OLFM3: variants seen among roughly 807,000 people sequenced by gnomAD.
OLFM3 encodes olfactomedin 3.
In OLFM3, 20 loss-of-function variants were observed where a neutral mutation model predicts 48.6. The ratio of observed to expected loss-of-function variants is 0.41; its 90% CI spans 0.29 to 0.60. The LOEUF (loss-of-function observed/expected upper bound fraction) is 0.60, where lower values mean the gene tolerates loss of function less well. Among genes scored for constraint, OLFM3 ranks in the 20% least tolerant of loss-of-function variants. The probability of loss-of-function intolerance (pLI) is 0.28; values close to 1 mark genes in which losing one functional copy is unlikely to be tolerated. For synonymous variants in OLFM3, 222 were observed against 198.1 expected (o/e 1.12, Z -1.01); for missense variants, 437 against 544.3 (o/e 0.80, Z 1.96).
intron 1 of OLFM3, among the ~76,000 whole-genome samples, chr1:101,851,790 T>C (rs567835880): frequency 6.6e-6 from 1 of 152,218 alleles, no homozygotes; most frequent in African/African-American, 2.4e-5. Context: ...ATGGATAAAT[T>C]GATTGTGTTC....
intron 1 of OLFM3, among the ~76,000 whole-genome samples, chr1:101,956,086 G>GTTTTTTTTTTTGTT (rs1553183029): frequency 9.5e-6 from 1 of 105,054 alleles, no homozygotes; most frequent in African/African-American, 3.9e-5. Flanking sequence ...ACAATAACAG[G>GTTTTTTTTTTTGTT]TTTTTTTTTT....
chr1:101,830,528 T>G, intron 3 of OLFM3, 144 bp downstream of exon 3: 1 of 830,190 alleles, frequency 1.2e-6, no homozygotes, highest in East Asian at 2.5e-5. Context: ...TCAGTTTCAG[T>G]GGAGAGATGA....
At chr1:101,954,007 A>G (rs1034626846) in intron 1 of OLFM3, among the ~76,000 whole-genome samples, 1 of 152,012 alleles carries the variant, frequency 6.6e-6, no homozygotes, top group Non-Finnish European at 1.5e-5. Flanking sequence ...TTTCTGATTT[A>G]TTTTCTTGAT....
At chr1:101,887,756 T>C (rs560640483) in intron 1 of OLFM3, among the ~76,000 whole-genome samples, 2 of 152,030 alleles carry the variant, frequency 1.3e-5, no homozygotes, top group Admixed American at 1.3e-4. Flanking sequence ...TCTTTGTGTA[T>C]AAGTAATATA....
At chr1:101,927,146 A>C (rs546538796) in intron 1 of OLFM3, among the ~76,000 whole-genome samples, 45 of 152,246 alleles carry the variant, frequency 3.0e-4, no homozygotes, top group African/African-American at 1.0e-3. Flanking sequence ...AATAGAAGAG[A>C]CTGAAAATGA....
intron 1 of OLFM3, among the ~76,000 whole-genome samples, chr1:101,994,736 G>A (rs1343042504): frequency 2.0e-5 from 3 of 151,760 alleles, no homozygotes; most frequent in Non-Finnish European, 4.4e-5. Flanking sequence ...TCTCTGTAAT[G>A]TCTATGATAT....
intron 1 of OLFM3, among the ~76,000 whole-genome samples, chr1:101,849,274 A>T (rs1015717079): frequency 6.6e-6 from 1 of 152,246 alleles, no homozygotes; most frequent in African/African-American, 2.4e-5. Context: ...TACTGAAGTG[A>T]TATCCATTTG....
chr1:101,846,736 A>T, intron 1 of OLFM3: 1 of 723,696 alleles, frequency 1.4e-6, no homozygotes, highest in Non-Finnish European at 2.4e-6. Context: ...ACATTTTTGA[A>T]GCTGACCTGT....
chr1:101,865,737 C>G (rs1656834955), intron 1 of OLFM3, among the ~76,000 whole-genome samples: 2 of 152,222 alleles, frequency 1.3e-5, no homozygotes, highest in Admixed American at 6.5e-5. Context: ...TGCTATCATT[C>G]AAAGTCTGGT....
At position 101,802,573 on chromosome 1, in the gene OLFM3, G is replaced by C. The variant is rs900778230; in HGVS notation, c.*1665C>G. On this transcript the variant is annotated 3_prime_UTR_variant, in exon 6 of 6. Transcript: ENST00000370103. ...AAGAAATCATTGTTAAACCTTGACA[G>C]TTTCAAGATTGGGTTATTTAATTCT... 2 of 151,642 alleles carry C rather than the reference G, an allele frequency of 1.3e-5. No homozygotes were observed. The highest frequency in any genetic ancestry group is 4.8e-5 in the African/African-American group (2 of 41,374). The allele number at this position is 151,642 out of a possible 1,614,324, so 9.4% of individuals were successfully genotyped here. A position where few individuals can be genotyped will look rare whatever the true frequency, so the allele number is the denominator to read the frequency against.
intron 1 of OLFM3, among the ~76,000 whole-genome samples, chr1:101,980,053 T>C (rs1418061455): frequency 6.6e-6 from 1 of 152,196 alleles, no homozygotes; most frequent in Non-Finnish European, 1.5e-5. Context: ...TGTAGGCCCA[T>C]TGTTTGGGCC....
intron 4 of OLFM3, among the ~76,000 whole-genome samples, chr1:101,819,883 C>A (rs1247234474): frequency 6.6e-6 from 1 of 151,930 alleles, no homozygotes; most frequent in African/African-American, 2.4e-5. Flanking sequence ...ATGCCTAACC[C>A]AGAGTTCTTG....
chr1:101,917,272 G>A lies in OLFM3; in HGVS notation c.69+79476C>T, dbSNP rs141845925. Among the ~76,000 whole-genome samples, 75 of 152,162 alleles carry A rather than the reference G, an allele frequency of 4.9e-4. 1 individual carries two copies. In the East Asian group the frequency reaches 0.011, roughly 22 times the overall value. Reference sequence around the variant, plus strand: ...AAAGGTTGAAATAAAATACTGCATAGTTTATGTAAATAAGCACAGATTTTG... The same window carrying A: ...AAAGGTTGAAATAAAATACTGCATAATTTATGTAAATAAGCACAGATTTTG... On this transcript the variant is annotated intron_variant, in intron 1 of 5. Transcript: ENST00000370103.
intron 1 of OLFM3, among the ~76,000 whole-genome samples, chr1:101,994,815 CT>C (rs1295673032): frequency 6.6e-6 from 1 of 151,872 alleles, no homozygotes; most frequent in African/African-American, 2.4e-5. Context: ...TATGTGGAAG[CT>C]GAGAAGGACA....
At chr1:101,943,334 T>C (rs923552256) in intron 1 of OLFM3, among the ~76,000 whole-genome samples, 1 of 152,202 alleles carries the variant, frequency 6.6e-6, no homozygotes, top group Non-Finnish European at 1.5e-5. Flanking sequence ...CCCTTTTTGA[T>C]AGCTTGTCCT....
rs535105135 is a variant in OLFM3, at chr1:101,812,511, C to A, written c.593-6329G>T. The A allele has an allele frequency of 4.1e-6, 4 of 985,280 alleles. No individual in the cohort carries two copies. In the South Asian group the frequency reaches 1.4e-4, roughly 35 times the overall value. 61.0% of individuals were successfully genotyped at this position (985,280 alleles called of 1,614,324 possible). On this transcript the variant is annotated intron_variant, in intron 4 of 5. Transcript: ENST00000370103. ...TTTCAGATGTTGAGGTGTGCATAAT[C>A]CGATGTTGATTAGTTGAAACCTGAA...
chr1:101,809,028 C>A (rs1447259406), intron 4 of OLFM3, among the ~76,000 whole-genome samples: 1 of 150,202 alleles, frequency 6.7e-6, no homozygotes, highest in Non-Finnish European at 1.5e-5. Context: ...AGAGTTATCT[C>A]CAAAATAAAG....
chr1:101,948,415 T>C (rs10782862), intron 1 of OLFM3, among the ~76,000 whole-genome samples: 60,682 of 151,538 alleles, frequency 0.4, 12,362 homozygotes, highest in East Asian at 0.51. Context: ...TAGATGACAC[T>C]GTCTTTTTAT....
intron 1 of OLFM3, among the ~76,000 whole-genome samples, chr1:101,877,838 T>A (rs1657363387): frequency 6.6e-6 from 1 of 151,960 alleles, no homozygotes; most frequent in African/African-American, 2.4e-5. Flanking sequence ...ACATATTTTT[T>A]ATTAAATCTT....
Sources: allele counts gnomAD v4.1 joint callset (sites outside exome capture counted in the v4.1 genomes callset), GRCh38; gene constraint gnomAD v4.1.1; transcripts MANE v1.5; gene names NCBI Gene and HGNC (gene_info 2026-07-23, HGNC 2026-07-21).